GPANK1: variants seen among roughly 807,000 people sequenced by gnomAD.
GPANK1 encodes the protein G-patch domain and ankyrin repeats 1, also known as G patch domain and ankyrin repeat-containing protein 1.
Under a neutral mutation model 24.0 loss-of-function variants are expected in GPANK1, and 22 were observed. The observed-to-expected ratio is 0.92, with a 90% CI of 0.66 to 1.31. GPANK1 has a LOEUF of 1.31. Ranked by LOEUF, GPANK1 falls within the 50% of genes most tolerant of loss-of-function variation. The probability of loss-of-function intolerance (pLI) is 0.00; values close to 1 mark genes in which losing one functional copy is unlikely to be tolerated. For synonymous variants in GPANK1, 174 were observed against 177.4 expected (o/e 0.98, Z 0.15); for missense variants, 469 against 453.5 (o/e 1.03, Z -0.31).
At position 31,662,891 on chromosome 6, in the gene GPANK1, C is replaced by G. The variant is rs1047731008; in HGVS notation, c.627-181G>C. 1.3e-5 allele frequency among the ~76,000 whole-genome samples: 2 copies of G among 151,158 alleles called. No individual in the cohort carries two copies. The highest frequency in any genetic ancestry group is 2.1e-4 in the South Asian group (1 of 4,804). ...CAACACTTTGGGAGGCAGAGGCGGG[C>G]AGATGGCTTTGAGCTCAGGAGTTTG... is the stretch of plus-strand genomic sequence containing the variant. On this transcript the variant is annotated intron_variant, in intron 2 of 2. Coordinates refer to ENST00000375896, the MANE Select transcript of GPANK1 (RefSeq NM_033177.4). The surrounding 1 kb of genome is among the most constrained non-coding windows in gnomAD (Gnocchi z 5.5).
Position 31,664,192 on chromosome 6 carries a change from C to T in GPANK1, c.287G>A (p.Arg96Lys), listed in dbSNP as rs1323805774. 2 of 1,614,122 alleles carry T rather than the reference C, an allele frequency of 1.2e-6. No homozygotes were observed. The highest frequency in any genetic ancestry group is 1.1e-5 in the South Asian group (1 of 91,088). ...CATCTTATCCTCAGCCTCAAGGGATCTCCCTTGTCCATGTCTTCCTGATGC... is the reference window on the plus strand; with the variant it reads ...CATCTTATCCTCAGCCTCAAGGGATTTCCCTTGTCCATGTCTTCCTGATGC... ...EGASGRHGQG[R>K]SLEAEDKMTH... is the part of the protein sequence containing the mutation. The change falls in exon 2 of 3, where the codon AGA (arginine) becomes AAA (lysine). Residue 96 changes from arginine (R) to lysine (K), a missense_variant. Transcript: ENST00000375896.
chr6:31,663,763 C>T, intron 2 of GPANK1, 90 bp downstream of exon 2: 2 of 1,506,186 alleles, frequency 1.3e-6, no homozygotes, highest in Non-Finnish European at 1.8e-6. Context: ...GGAAAGAACT[C>T]TTCAGCACTG....
At chr6:31,666,243 G>T, upstream of GPANK1, 3 of 967,506 alleles carry the variant, frequency 3.1e-6, no homozygotes, top group Non-Finnish European at 3.7e-6. Flanking sequence ...CGAGTCCCTT[G>T]TCGCTGGGAG....
At chr6:31,666,127 G>C (rs1801663803), upstream of GPANK1, 3 of 994,970 alleles carry the variant, frequency 3.0e-6, no homozygotes, top group Non-Finnish European at 2.4e-6. Context: ...TCGGGTCCGC[G>C]GCCTGCGCTG....
Position 31,661,704 on chromosome 6 carries a change from A to G in GPANK1, c.*562T>C. On this transcript the variant is annotated 3_prime_UTR_variant, in exon 3 of 3. Transcript: ENST00000375896. ...AATGAGAGCGAAACTGCATCTCAAA[A>G]AAAAAAGAAAAAAATTGATAACATG... is the stretch of plus-strand genomic sequence containing the variant. 6.0e-6 allele frequency: 1 copy of G among 166,650 alleles called. No homozygotes were observed. Among genetic ancestry groups the G allele is most frequent in the Non-Finnish European group, 1.3e-5 (1 of 76,594 alleles). The allele number at this position is 166,650 out of a possible 1,614,324, so 10.3% of individuals were successfully genotyped here.
Position 31,664,507 on chromosome 6 carries a change from C to G in GPANK1, c.-29G>C. The G allele has an allele frequency of 1.9e-6, 3 of 1,559,666 alleles. No individual in the cohort carries two copies. The highest frequency in any genetic ancestry group is 2.6e-6 in the Non-Finnish European group (3 of 1,140,700). ...TTTTGGGAGAACTGAGAAAATGATA[C>G]CAGGCAAGGGAAGGATGAGACAAGT... On this transcript the variant is annotated 5_prime_UTR_variant, in exon 2 of 3. Coordinates refer to ENST00000375896, the MANE Select transcript of GPANK1 (RefSeq NM_033177.4).
At position 31,664,823 on chromosome 6, in the gene GPANK1, C is replaced by A; in HGVS notation, c.-100+18G>T. The A allele has an allele frequency of 2.9e-6, 1 of 339,570 alleles. No individual in the cohort carries two copies. The allele number at this position is 339,570 out of a possible 1,614,324, so 21.0% of individuals were successfully genotyped here. On this transcript the variant is annotated intron_variant, in intron 1 of 2. Transcript: ENST00000375896. ...CCAGCCTCTTTCTGAAACCACTTTC[C>A]CACCCCGTAAGACATACCAGTAGGA...
At chr6:31,665,925 G>C (rs1801627385), upstream of GPANK1, 1 of 1,073,194 alleles carries the variant, frequency 9.3e-7, no homozygotes, top group Non-Finnish European at 1.1e-6. Flanking sequence ...CCGGGCCTTC[G>C]TGACAGCCAG....
chr6:31,664,270 C>CTT lies in GPANK1; in HGVS notation c.208_209insAA (p.Arg70LysfsTer7). ...TGCCTTCATTATTCTTCTTTTCTTT[C>CTT]TCTTTCTTTCTCTGGCAGGTTCAGT... On this transcript the variant is annotated frameshift_variant, in exon 2 of 3. Coordinates refer to ENST00000375896, the MANE Select transcript of GPANK1 (RefSeq NM_033177.4). LOFTEE classifies it high-confidence loss of function. The CTT allele has an allele frequency of 1.2e-6, 2 of 1,613,964 alleles. No individual in the cohort carries two copies. The highest frequency in any genetic ancestry group is 1.7e-6 in the Non-Finnish European group (2 of 1,179,832).
upstream of GPANK1, chr6:31,665,417 T>C: frequency 6.4e-7 from 1 of 1,553,702 alleles, no homozygotes; most frequent in Non-Finnish European, 8.7e-7. Context: ...CTGACCAGGG[T>C]TCGAAGGTCA....
In GPANK1 at chr6:31,662,487, G is replaced by A. The variant is rs1163938249; in HGVS notation, c.850C>T (p.Pro284Ser). 2.5e-6 allele frequency: 4 copies of A among 1,611,998 alleles called. No homozygotes were observed. Among genetic ancestry groups the A allele is most frequent in the Non-Finnish European group, 2.5e-6 (3 of 1,179,400 alleles). ...LGPRGEGRAN[P>S]IPTVLKRDQE... ...TCCCTCTTGAGGACAGTGGGGATGG[G>A]ATTGGCACGGCCCTCACCCCGGGGT... Residue 284 changes from proline (P) to serine (S), a missense_variant, in exon 3 of 3, where the codon CCC (proline) becomes TCC (serine). By Grantham distance (74) the Pro-to-Ser change is moderately conservative. Transcript: ENST00000375896. The surrounding 1 kb of genome is among the most constrained non-coding windows in gnomAD (Gnocchi z 5.5).
rs1376623340 is a variant in GPANK1, at chr6:31,661,903, G to A, written c.*363C>T. 1 of 240,230 alleles carries A rather than the reference G, an allele frequency of 4.2e-6. No individual in the cohort carries two copies. The highest frequency in any genetic ancestry group is 2.2e-5 in the African/African-American group (1 of 44,476). 14.9% of individuals were successfully genotyped at this position (240,230 alleles called of 1,614,324 possible). Reference sequence around the variant, plus strand: ...AAGCTGGGCAATTCTTGGTCCAGGGGGGTTGAAAGAATAGGTGGGGGACTC... The same window carrying A: ...AAGCTGGGCAATTCTTGGTCCAGGGAGGTTGAAAGAATAGGTGGGGGACTC... On this transcript the variant is annotated 3_prime_UTR_variant, in exon 3 of 3. Transcript: ENST00000375896.
In GPANK1 at chr6:31,662,032, G is replaced by T; in HGVS notation, c.*234C>A. 1 of 416,726 alleles carries T rather than the reference G, an allele frequency of 2.4e-6. No individual in the cohort carries two copies. The highest frequency in any genetic ancestry group is 3.6e-5 in the East Asian group (1 of 27,766). 25.8% of individuals were successfully genotyped at this position (416,726 alleles called of 1,614,324 possible). A position where few individuals can be genotyped will look rare whatever the true frequency, so the allele number is the denominator to read the frequency against. On this transcript the variant is annotated 3_prime_UTR_variant, in exon 3 of 3. Coordinates refer to ENST00000375896, the MANE Select transcript of GPANK1 (RefSeq NM_033177.4). The surrounding 1 kb of genome is among the most constrained non-coding windows in gnomAD (Gnocchi z 5.5). The stretch of plus-strand genomic sequence containing the variant: ...CTTCTGACTCAGGTGGGACTTGCAT[G>T]TGGCTCCCAGGCTTCTGTTTGGCTT...
chr6:31,665,474 A>C (rs1424551861), upstream of GPANK1: 5 of 1,568,568 alleles, frequency 3.2e-6, no homozygotes, highest in South Asian at 4.7e-5. Flanking sequence ...GGACGAGCAG[A>C]ATGGCTGGCA....
intron 2 of GPANK1, among the ~76,000 whole-genome samples, chr6:31,663,554 A>G (rs1306902690): frequency 6.6e-6 from 1 of 152,216 alleles, no homozygotes; most frequent in Non-Finnish European, 1.5e-5. Context: ...TGCGGCATGC[A>G]CTATTCTAGC....
At position 31,662,428 on chromosome 6, in the gene GPANK1, C is replaced by G; in HGVS notation, c.909G>C (p.Gln303His). ...QEGLGYRSAP[Q>H]PRVTHFPAWD... ...AAGCTGGGAAATGTGTCACTCGGGG[C>G]TGGGGTGCTGATCTGTAGCCTAGTC... is the stretch of plus-strand genomic sequence containing the variant. Residue 303 changes from glutamine to histidine, a missense_variant, in exon 3 of 3, where the codon CAG becomes CAC. Coordinates refer to ENST00000375896, the MANE Select transcript of GPANK1 (RefSeq NM_033177.4). This position sits in a 1 kb window ranked among gnomAD's most constrained non-coding sequence, Gnocchi z 5.5. 1 of 1,612,394 alleles carries G rather than the reference C, an allele frequency of 6.2e-7. No individual in the cohort carries two copies. The highest frequency in any genetic ancestry group is 2.2e-5 in the East Asian group (1 of 44,880).
At position 31,664,200 on chromosome 6, in the gene GPANK1, T is replaced by C. The variant is rs1801305070; in HGVS notation, c.279A>G (p.Gly93=). 1 of 1,614,050 alleles carries C rather than the reference T, an allele frequency of 6.2e-7. No individual in the cohort carries two copies. The highest frequency in any genetic ancestry group is 1.3e-5 in the African/African-American group (1 of 74,930). Residue 93 remains glycine (G), a synonymous_variant, in exon 2 of 3, where the codon GGA becomes GGG. Coordinates refer to ENST00000375896, the MANE Select transcript of GPANK1 (RefSeq NM_033177.4). ...CCTCAGCCTCAAGGGATCTCCCTTG[T>C]CCATGTCTTCCTGATGCTCCTTCTG... The part of the protein sequence containing the change: ...AVAEGASGRH[G]QGRSLEAEDK...
chr6:31,665,025 A>G (rs960338200), upstream of GPANK1: 2 of 273,618 alleles, frequency 7.3e-6, no homozygotes, highest in Admixed American at 4.7e-5. Flanking sequence ...AGTTGACACA[A>G]TCAAATAGCC....
chr6:31,663,940 G>GC lies in GPANK1; in HGVS notation c.538dup (p.Ala180GlyfsTer6), dbSNP rs1212382689. ...GCCAGCTTCTTCAGCGAGCTGAGCC[G>GC]CATCCCTGCCACTCAGCTCACAGAC... is the stretch of plus-strand genomic sequence containing the variant. On this transcript the variant is annotated frameshift_variant, in exon 2 of 3. Coordinates refer to ENST00000375896, the MANE Select transcript of GPANK1 (RefSeq NM_033177.4). LOFTEE classifies it high-confidence loss of function. The GC allele has an allele frequency of 6.2e-7, 1 of 1,613,596 alleles. No individual in the cohort carries two copies. Among genetic ancestry groups the GC allele is most frequent in the African/African-American group, 1.3e-5 (1 of 75,042 alleles).
Sources: gnomAD v4.1 joint callset for allele counts (sites outside exome capture counted in the v4.1 genomes callset) on GRCh38, gnomAD v4.1.1 for gene constraint, Gnocchi (gnomAD v3.1) non-coding constraint, MANE v1.5 for transcripts, NCBI Gene and HGNC (gene_info 2026-07-23, HGNC 2026-07-21) for gene names.